VAPA: variants seen among roughly 807,000 people sequenced by gnomAD.
The protein encoded by VAPA is vesicle-associated membrane protein-associated protein A.
In VAPA, 6 loss-of-function variants were observed where a neutral mutation model predicts 25.6. The observed-to-expected ratio is 0.23, with a 90% CI of 0.13 to 0.46. VAPA has a LOEUF of 0.46. VAPA is among the 20% of genes least tolerant of loss of function. The pLI, the probability that VAPA is intolerant of heterozygous loss-of-function variation, is 0.99. For synonymous variants in VAPA, 112 were observed against 106.2 expected (o/e 1.05, Z -0.34); for missense variants, 244 against 302.1 (o/e 0.81, Z 1.43).
intron 4 of VAPA, 101 bp downstream of exon 4, chr18:9,937,167 C>A: frequency 1.3e-6 from 1 of 779,002 alleles, no homozygotes. Context: ...TGTGATATGG[C>A]TATTACACTT....
chr18:9,927,688 G>C (rs1278631530), intron 1 of VAPA, among the ~76,000 whole-genome samples: 3 of 152,062 alleles, frequency 2.0e-5, no homozygotes. Context: ...ACTTTTGGGT[G>C]AGCTGCCTTA....
At chr18:9,934,592 CTTACA>C (rs910116511) in intron 2 of VAPA, among the ~76,000 whole-genome samples, 92 of 152,152 alleles carry the variant, frequency 6.0e-4, no homozygotes, top group African/African-American at 2.1e-3. Flanking sequence ...ATAATTATTT[CTTACA>C]TTTATTTACC....
intron 4 of VAPA, among the ~76,000 whole-genome samples, chr18:9,938,498 T>C (rs897055212): frequency 2.2e-4 from 34 of 152,344 alleles, no homozygotes; most frequent in African/African-American, 7.0e-4. Flanking sequence ...CCCATAGTTA[T>C]CCAAGAAAGT....
intron 1 of VAPA, among the ~76,000 whole-genome samples, chr18:9,920,214 TAAG>T (rs1203241412): frequency 2.0e-5 from 3 of 152,196 alleles, no homozygotes; most frequent in Admixed American, 1.3e-4. Flanking sequence ...GTGTGTTACT[TAAG>T]AAAAGGTCTG....
chr18:9,930,445 A>G (rs1255842227), intron 1 of VAPA, among the ~76,000 whole-genome samples: 2 of 152,148 alleles, frequency 1.3e-5, no homozygotes, highest in Non-Finnish European at 2.9e-5. Context: ...TAGTTTTATC[A>G]GTTCAAAACG....
chr18:9,958,451 C>G lies in VAPA; in HGVS notation c.*4240C>G, dbSNP rs761625611. 6.6e-6 allele frequency: 1 copy of G among 152,112 alleles called. No individual in the cohort carries two copies. The highest frequency in any genetic ancestry group is 1.5e-5 in the Non-Finnish European group (1 of 68,024). The allele number at this position is 152,112 out of a possible 1,614,324, so 9.4% of individuals were successfully genotyped here. A position where few individuals can be genotyped will look rare whatever the true frequency, so the allele number is the denominator to read the frequency against. On this transcript the variant is annotated 3_prime_UTR_variant, in exon 6 of 6. Coordinates refer to ENST00000400000, the MANE Select transcript of VAPA (RefSeq NM_194434.3). ...GAAAGAGAGTATATAGGAAGTTATT[C>G]AGATAACTTTTGTAGTAGTGATATT...
At chr18:9,927,259 G>T (rs2069208383) in intron 1 of VAPA, among the ~76,000 whole-genome samples, 1 of 152,098 alleles carries the variant, frequency 6.6e-6, no homozygotes, top group African/African-American at 2.4e-5. Flanking sequence ...TAGAATGTGA[G>T]TGATGAGTGT....
At chr18:9,933,774 G>C (rs903740105) in intron 2 of VAPA, among the ~76,000 whole-genome samples, 4 of 152,336 alleles carry the variant, frequency 2.6e-5, no homozygotes, top group Non-Finnish European at 5.9e-5. Context: ...CTGACCTCAA[G>C]TGATCCATCT....
intron 2 of VAPA, among the ~76,000 whole-genome samples, chr18:9,934,183 T>A (rs1424720028): frequency 6.6e-6 from 1 of 152,260 alleles, no homozygotes; most frequent in African/African-American, 2.4e-5. Context: ...CTCTGGTTAA[T>A]TCTCTGTACT....
intron 1 of VAPA, among the ~76,000 whole-genome samples, chr18:9,929,566 G>A (rs548518428): frequency 6.6e-6 from 1 of 152,084 alleles, no homozygotes; most frequent in Admixed American, 6.6e-5. Context: ...TTATGAGGTG[G>A]GATATGGCTT....
intron 1 of VAPA, among the ~76,000 whole-genome samples, chr18:9,915,370 G>A (rs139213884): frequency 1.3e-5 from 2 of 152,284 alleles, no homozygotes; most frequent in African/African-American, 4.8e-5. Flanking sequence ...AGAATCCCAG[G>A]GGCTTTTGGT....
chr18:9,950,302 A>T (rs1299190266), intron 4 of VAPA, 93 bp from the exon 5 acceptor site: 3 of 1,411,726 alleles, frequency 2.1e-6, no homozygotes, highest in South Asian at 1.3e-5. Context: ...AGAGTTTTTC[A>T]TGAACAAAGA....
Position 9,950,510 on chromosome 18 carries a change from AGT to A in VAPA, c.536_537del (p.Cys179Ter). The A allele has an allele frequency of 6.2e-7, 1 of 1,613,942 alleles. No individual in the cohort carries two copies. ...ACCGAAACAAGGAAACTAATGGAAGAGTGTAAAAGACTTCAGGGAGAAATGAT... is the reference window on the plus strand; with the variant it reads ...ACCGAAACAAGGAAACTAATGGAAGAGTAAAAGACTTCAGGGAGAAATGAT... On this transcript the variant is annotated frameshift_variant, in exon 5 of 6. Transcript: ENST00000400000. LOFTEE classifies it high-confidence loss of function.
intron 3 of VAPA, chr18:9,936,631 C>T (rs1026607641): frequency 1.8e-5 from 4 of 226,158 alleles, no homozygotes; most frequent in South Asian, 1.2e-4. Context: ...CCTGTAGTCC[C>T]AGCTACCCAG....
intron 4 of VAPA, chr18:9,949,133 GT>G (rs1195482768): frequency 6.6e-6 from 1 of 152,142 alleles, no homozygotes; most frequent in East Asian, 1.9e-4. Context: ...ATCTGAAACA[GT>G]TTTTTAATAA....
At chr18:9,934,749 C>T (rs2069290706) in intron 2 of VAPA, among the ~76,000 whole-genome samples, 1 of 152,082 alleles carries the variant, frequency 6.6e-6, no homozygotes, top group Non-Finnish European at 1.5e-5. Flanking sequence ...ACTCATGTTA[C>T]ATAAATTTAG....
intron 1 of VAPA, 69 bp downstream of exon 1, chr18:9,914,404 C>T (rs944988732): frequency 4.3e-5 from 60 of 1,410,144 alleles, no homozygotes; most frequent in Non-Finnish European, 5.4e-5. Context: ...CGGGGGGGCG[C>T]GGAGGGCACG....
At position 9,956,136 on chromosome 18, in the gene VAPA, T is replaced by G. The variant is rs1296897758; in HGVS notation, c.*1925T>G. 1 of 152,154 alleles carries G rather than the reference T, an allele frequency of 6.6e-6. No individual in the cohort carries two copies. Among genetic ancestry groups the G allele is most frequent in the African/African-American group, 2.4e-5 (1 of 41,434 alleles). The allele number at this position is 152,154 out of a possible 1,614,324, so 9.4% of individuals were successfully genotyped here. Reference sequence around the variant, plus strand: ...TTTAGAATTCATTTTGTTCAGCCCCTTTGTTCTATGGTTGAGAAATCTGAG... The same window carrying G: ...TTTAGAATTCATTTTGTTCAGCCCCGTTGTTCTATGGTTGAGAAATCTGAG... On this transcript the variant is annotated 3_prime_UTR_variant, in exon 6 of 6. Transcript: ENST00000400000.
intron 4 of VAPA, among the ~76,000 whole-genome samples, chr18:9,941,165 T>C (rs764397625): frequency 1.3e-5 from 2 of 151,830 alleles, no homozygotes; most frequent in Non-Finnish European, 2.9e-5. Flanking sequence ...AGGAAATATC[T>C]GATGTTCTGA....
Sources: gnomAD v4.1 joint callset for allele counts (sites outside exome capture counted in the v4.1 genomes callset) on GRCh38, gnomAD v4.1.1 for gene constraint, MANE v1.5 for transcripts, NCBI Gene and HGNC (gene_info 2026-07-23, HGNC 2026-07-21) for gene names.